The following GALNT9 variants were observed in gnomAD, a reference collection of about 807,000 sequenced individuals.
GALNT9 encodes GalNAc transferase 9.
In GALNT9, 47 loss-of-function variants were observed where a neutral mutation model predicts 63.1. The observed-to-expected ratio is 0.75, with a 90% CI of 0.59 to 0.95. GALNT9 has a LOEUF of 0.95. Among genes scored for constraint, GALNT9 ranks in the 40% least tolerant of loss-of-function variants. GALNT9 has a pLI of 0.00. For synonymous variants in GALNT9, 396 were observed against 365.7 expected (o/e 1.08, Z -0.94); for missense variants, 829 against 874.8 (o/e 0.95, Z 0.66).
At chr12:132,292,843 A>G (rs539263686) in intron 1 of GALNT9, among the ~76,000 whole-genome samples, 1 of 152,226 alleles carries the variant, frequency 6.6e-6, no homozygotes, top group African/African-American at 2.4e-5. Context: ...GGTGGAATCC[A>G]TGGGACACTC....
At chr12:132,266,196 G>A (rs1879590422) in intron 2 of GALNT9, among the ~76,000 whole-genome samples, 1 of 150,820 alleles carries the variant, frequency 6.6e-6, no homozygotes, top group Non-Finnish European at 1.5e-5. Flanking sequence ...ACAGCCAACC[G>A]CGGGCCTGTC....
At chr12:132,240,121 C>A (rs1555236762) in intron 6 of GALNT9, among the ~76,000 whole-genome samples, 1 of 152,174 alleles carries the variant, frequency 6.6e-6, no homozygotes, top group Admixed American at 6.5e-5. Flanking sequence ...TAAATCATTG[C>A]TGTTTAATAT....
At chr12:132,312,605 T>C (rs2135584610) in intron 1 of GALNT9, among the ~76,000 whole-genome samples, 1 of 152,320 alleles carries the variant, frequency 6.6e-6, no homozygotes, top group East Asian at 1.9e-4. Flanking sequence ...TGGAATCTCC[T>C]GGAAATGCCT....
intron 7 of GALNT9, among the ~76,000 whole-genome samples, chr12:132,201,701 C>T (rs563416349): frequency 3.3e-5 from 5 of 152,328 alleles, no homozygotes; most frequent in South Asian, 4.1e-4. Flanking sequence ...TGGCTGGCCC[C>T]GCCTGGCACG....
chr12:132,297,399 C>T (rs1881114135), intron 1 of GALNT9, among the ~76,000 whole-genome samples: 1 of 151,776 alleles, frequency 6.6e-6, no homozygotes, highest in Non-Finnish European at 1.5e-5. Context: ...ATAACCAACT[C>T]ACTCCTACAA....
At chr12:132,308,494 C>A (rs28591272) in intron 1 of GALNT9, among the ~76,000 whole-genome samples, 2 of 151,996 alleles carry the variant, frequency 1.3e-5, no homozygotes, top group South Asian at 4.1e-4. Flanking sequence ...GGTGCCTGCA[C>A]CTACCGGGTT....
intron 6 of GALNT9, among the ~76,000 whole-genome samples, chr12:132,216,701 G>A (rs1165196835): frequency 6.6e-6 from 1 of 152,204 alleles, no homozygotes; most frequent in Non-Finnish European, 1.5e-5. Context: ...TTCTCTTTGG[G>A]CCGCTGACTG....
At chr12:132,249,135 A>G (rs1878818953) in intron 5 of GALNT9, among the ~76,000 whole-genome samples, 1 of 152,234 alleles carries the variant, frequency 6.6e-6, no homozygotes, top group Admixed American at 6.5e-5. Context: ...GTAAGGAAGG[A>G]GGAACTTCTC....
intron 1 of GALNT9, among the ~76,000 whole-genome samples, chr12:132,309,541 A>G (rs1400724033): frequency 6.6e-6 from 1 of 152,180 alleles, no homozygotes; most frequent in African/African-American, 2.4e-5. Flanking sequence ...AGTAAGAAGC[A>G]TCCTGATTAG....
At chr12:132,239,509 C>A (rs1056404448) in intron 6 of GALNT9, among the ~76,000 whole-genome samples, 1 of 142,308 alleles carries the variant, frequency 7.0e-6, no homozygotes, top group South Asian at 2.3e-4. Flanking sequence ...GAGAGAGACA[C>A]ACACACTGAG....
chr12:132,294,229 C>A (rs1219723470), intron 1 of GALNT9, among the ~76,000 whole-genome samples: 1 of 152,178 alleles, frequency 6.6e-6, no homozygotes, highest in Non-Finnish European at 1.5e-5. Flanking sequence ...CAGGTGGGTC[C>A]AATGAACGAA....
intron 1 of GALNT9, among the ~76,000 whole-genome samples, chr12:132,291,596 C>A (rs1880851907): frequency 2.0e-5 from 2 of 99,670 alleles, no homozygotes; most frequent in South Asian, 5.3e-4. Context: ...CCGCCCACAT[C>A]CACACCACCC....
chr12:132,317,682 C>T (rs1868584889), intron 1 of GALNT9, among the ~76,000 whole-genome samples: 1 of 152,182 alleles, frequency 6.6e-6, no homozygotes, highest in Admixed American at 6.5e-5. Context: ...GTGGCCAGAC[C>T]CCCCTCGCTC....
chr12:132,203,771 C>A, intron 6 of GALNT9, 81 bp from the exon 7 acceptor site: 1 of 1,462,764 alleles, frequency 6.8e-7, no homozygotes, highest in Non-Finnish European at 9.2e-7. Flanking sequence ...CGTGAGAGGC[C>A]AAGGGGCCCG....
rs1046581279 is a variant in GALNT9, at chr12:132,245,974, G to A, written c.1077+1936C>T. Reference sequence around the variant, plus strand: ...TGGTGGCTGCGCACTGCCGGTCCCCGGCACCCTCCCCAGGCTGTCCTCCTC... The same window carrying A: ...TGGTGGCTGCGCACTGCCGGTCCCCAGCACCCTCCCCAGGCTGTCCTCCTC... On this transcript the variant is annotated intron_variant, in intron 6 of 10. Coordinates refer to ENST00000328957, the MANE Select transcript of GALNT9 (RefSeq NM_001122636.2). The surrounding 1 kb of genome is among the most constrained non-coding windows in gnomAD (Gnocchi z 6.3). Among the ~76,000 whole-genome samples, 23 of 152,308 alleles carry A rather than the reference G, an allele frequency of 1.5e-4. No individual in the cohort carries two copies. The highest frequency in any genetic ancestry group is 3.4e-4 in the African/African-American group (14 of 41,554).
chr12:132,310,229 G>A lies in GALNT9; in HGVS notation c.238+18737C>T, dbSNP rs544020483. On this transcript the variant is annotated intron_variant, in intron 1 of 10. Transcript: ENST00000328957. The surrounding 1 kb of genome is among the most constrained non-coding windows in gnomAD (Gnocchi z 4.8). Reference sequence around the variant, plus strand: ...CACGTGGGGCTGGGCTTGTGAGGGTGCCACCAGCCCTCCAGGTCTCACCGG... The same window carrying A: ...CACGTGGGGCTGGGCTTGTGAGGGTACCACCAGCCCTCCAGGTCTCACCGG... Among the ~76,000 whole-genome samples, 124 of 152,312 alleles carry A rather than the reference G, an allele frequency of 8.1e-4. No individual in the cohort carries two copies. Among genetic ancestry groups the A allele is most frequent in the African/African-American group, 2.7e-3 (114 of 41,576 alleles).
intron 6 of GALNT9, among the ~76,000 whole-genome samples, chr12:132,224,786 C>T (rs1290825096): frequency 2.1e-5 from 3 of 141,332 alleles, no homozygotes; most frequent in African/African-American, 8.1e-5. Flanking sequence ...CACACACATA[C>T]ATCTCATACA....
intron 2 of GALNT9, among the ~76,000 whole-genome samples, chr12:132,264,802 C>T (rs377264330): frequency 6.6e-6 from 1 of 152,216 alleles, no homozygotes; most frequent in African/African-American, 2.4e-5. Flanking sequence ...GCAGGTGCGG[C>T]TCCTAGAAGT....
rs1878713376 is a variant in GALNT9 at position 132,246,562 on chromosome 12, T to A, written c.1077+1348A>T. Among the ~76,000 whole-genome samples, 1 of 152,230 alleles carries A rather than the reference T, an allele frequency of 6.6e-6. No homozygotes were observed. Among genetic ancestry groups the A allele is most frequent in the Non-Finnish European group, 1.5e-5 (1 of 68,048 alleles). The stretch of plus-strand genomic sequence containing the variant: ...ATCATATATTTTTTGAAATGGAGTC[T>A]CACTCTGTCACCCAGGCTGGAGTGC... On this transcript the variant is annotated intron_variant, in intron 6 of 10. Transcript: ENST00000328957. The surrounding 1 kb of genome is among the most constrained non-coding windows in gnomAD (Gnocchi z 4.7).
Sources: gnomAD v4.1 joint callset for allele counts (sites outside exome capture counted in the v4.1 genomes callset) on GRCh38, gnomAD v4.1.1 for gene constraint, Gnocchi (gnomAD v3.1) non-coding constraint, MANE v1.5 for transcripts, NCBI Gene and HGNC (gene_info 2026-07-23, HGNC 2026-07-21) for gene names.